The following TAX1BP1 variants were observed in gnomAD, a reference collection of about 807,000 sequenced individuals.
The protein encoded by TAX1BP1 is Tax1 binding protein 1.
TAX1BP1 carries 62 observed loss-of-function variants against 97.7 expected under a neutral mutation model. The observed-to-expected ratio is 0.63, with a 90% CI of 0.52 to 0.78. The LOEUF is 0.78. Ranked by LOEUF, TAX1BP1 falls within the 30% of genes least tolerant of loss-of-function variation. The pLI is 0.00. For missense variants in TAX1BP1, 867 were observed against 916.1 expected, an observed-to-expected ratio of 0.95 and a Z score of 0.69; for synonymous variants, 340 against 304.2, an observed-to-expected ratio of 1.12 and a Z score of -1.23.
chr7:27,788,420 C>T (rs1789573974), intron 8 of TAX1BP1, among the ~76,000 whole-genome samples: 1 of 151,980 alleles, frequency 6.6e-6, no homozygotes, highest in Admixed American at 6.5e-5. Context: ...AACAGCCTTT[C>T]CTCAATGTTT....
At chr7:27,828,559 G>C in intron 16 of TAX1BP1, 69 bp from the exon 17 acceptor site, 3 of 1,468,168 alleles carry the variant, frequency 2.0e-6, no homozygotes, top group Non-Finnish European at 2.8e-6. Flanking sequence ...ATGGAACCTT[G>C]TCATATATGG....
At chr7:27,815,711 A>G (rs1466121840) in intron 13 of TAX1BP1, among the ~76,000 whole-genome samples, 2 of 152,172 alleles carry the variant, frequency 1.3e-5, no homozygotes, top group Non-Finnish European at 2.9e-5. Flanking sequence ...AAAAAATCTT[A>G]AGTGATAGAA....
chr7:27,815,017 G>A (rs534179721), intron 13 of TAX1BP1, among the ~76,000 whole-genome samples: 5 of 152,192 alleles, frequency 3.3e-5, no homozygotes, highest in South Asian at 2.1e-4. Context: ...GATTACAGGC[G>A]TGAGCCACTG....
chr7:27,749,698 G>A (rs769115444), intron 2 of TAX1BP1, among the ~76,000 whole-genome samples: 1 of 152,156 alleles, frequency 6.6e-6, no homozygotes, highest in East Asian at 1.9e-4. Flanking sequence ...GTTATTTACT[G>A]TTTACTTTTT....
chr7:27,757,425 G>T (rs1039698007), intron 2 of TAX1BP1, among the ~76,000 whole-genome samples: 1 of 152,058 alleles, frequency 6.6e-6, no homozygotes, highest in African/African-American at 2.4e-5. Flanking sequence ...ACTTGCCAAA[G>T]ATGAGAGATT....
intron 13 of TAX1BP1, among the ~76,000 whole-genome samples, chr7:27,812,758 CTT>C (rs1790607236): frequency 6.6e-6 from 1 of 152,252 alleles, no homozygotes; most frequent in African/African-American, 2.4e-5. Flanking sequence ...TCCTCTACAT[CTT>C]GAGGTATTTT....
rs1394503608 is a variant in TAX1BP1, at chr7:27,794,336, A to C, written c.1424A>C (p.Asn475Thr). The C allele has an allele frequency of 6.2e-7, 1 of 1,611,750 alleles. No homozygotes were observed. Among genetic ancestry groups the C allele is most frequent in the Non-Finnish European group, 8.5e-7 (1 of 1,178,632 alleles). The change falls in exon 11 of 17, where the codon AAT becomes ACT. Residue 475 changes from asparagine (N) to threonine (T), a missense_variant. By Grantham distance (65) the Asn-to-Thr change is moderately conservative (BLOSUM62 0). Coordinates refer to ENST00000396319, the MANE Select transcript of TAX1BP1 (RefSeq NM_006024.7). The stretch of plus-strand genomic sequence containing the variant: ...CATTTTGAATAGGCTAATAATAATA[A>C]TGTCTTCACAAAGAAAACGGGGAAT... ...KLSDQSANNN[N>T]VFTKKTGNQQ... is the part of the protein sequence containing the mutation.
intron 4 of TAX1BP1, among the ~76,000 whole-genome samples, chr7:27,769,340 A>G (rs925508452): frequency 1.3e-5 from 2 of 151,964 alleles, no homozygotes; most frequent in African/African-American, 4.8e-5. Context: ...TCTGATTATT[A>G]CTGTGGATAA....
intron 15 of TAX1BP1, among the ~76,000 whole-genome samples, chr7:27,821,339 G>GGCTGGGCAT (rs1790965017): frequency 6.6e-6 from 1 of 152,056 alleles, no homozygotes; most frequent in Non-Finnish European, 1.5e-5. Context: ...TCTTAGAAAA[G>GGCTGGGCAT]TAATTGTTGG....
intron 5 of TAX1BP1, among the ~76,000 whole-genome samples, chr7:27,780,112 C>T (rs907791819): frequency 2.6e-5 from 4 of 152,176 alleles, no homozygotes; most frequent in Non-Finnish European, 2.9e-5. Flanking sequence ...TGCCACAACA[C>T]ACAACACCAA....
At chr7:27,769,337 ATT>A (rs1296886763) in intron 4 of TAX1BP1, among the ~76,000 whole-genome samples, 2 of 151,972 alleles carry the variant, frequency 1.3e-5, no homozygotes, top group Non-Finnish European at 2.9e-5. Context: ...GTATCTGATT[ATT>A]ACTGTGGATA....
chr7:27,775,205 A>G (rs992475998), intron 5 of TAX1BP1, among the ~76,000 whole-genome samples: 1 of 152,222 alleles, frequency 6.6e-6, no homozygotes, highest in Non-Finnish European at 1.5e-5. Flanking sequence ...TGTAAGATGC[A>G]TCTCCATTTC....
At chr7:27,780,327 G>A (rs1045236389) in intron 5 of TAX1BP1, among the ~76,000 whole-genome samples, 6 of 152,228 alleles carry the variant, frequency 3.9e-5, no homozygotes, top group Non-Finnish European at 7.4e-5. Flanking sequence ...TAAAGATATT[G>A]GAAAGTTGAA....
At chr7:27,769,537 T>A (rs755970621) in intron 4 of TAX1BP1, 139 bp from the exon 5 acceptor site, 2 of 617,602 alleles carry the variant, frequency 3.2e-6, no homozygotes, top group Non-Finnish European at 5.4e-6. Flanking sequence ...AAAGGCTGAT[T>A]GATATAAAGT....
chr7:27,772,594 A>T (rs1303677642), intron 5 of TAX1BP1: 1 of 151,986 alleles, frequency 6.6e-6, no homozygotes, highest in African/African-American at 2.4e-5. Flanking sequence ...TATTAATAAA[A>T]TTTTTCATCT....
At chr7:27,826,326 A>C (rs1367778350) in intron 15 of TAX1BP1, among the ~76,000 whole-genome samples, 1 of 152,192 alleles carries the variant, frequency 6.6e-6, no homozygotes, top group African/African-American at 2.4e-5. Flanking sequence ...GAAGTATTTT[A>C]CCCCTTCTTT....
intron 15 of TAX1BP1, among the ~76,000 whole-genome samples, chr7:27,825,705 TTGTC>T (rs3216230): frequency 0.024 from 3,615 of 152,258 alleles, 71 homozygotes; most frequent in East Asian, 0.082. Context: ...GTCTGACAGT[TTGTC>T]TGAGTCTGGA....
Position 27,797,198 on chromosome 7 carries a change from G to A in TAX1BP1, c.1638+979G>A, listed in dbSNP as rs369805471. 3.4e-3 allele frequency among the ~76,000 whole-genome samples: 515 copies of A among 151,740 alleles called. 5 individuals carry two copies. The highest frequency in any genetic ancestry group is 0.017 in the Middle Eastern group (5 of 294). ...ATTTTTAGTAGAGGCGGGGTTTCACGATGTTAGCTAGGATGGTCTCTATCT... is the reference window on the plus strand; with the variant it reads ...ATTTTTAGTAGAGGCGGGGTTTCACAATGTTAGCTAGGATGGTCTCTATCT... On this transcript the variant is annotated intron_variant, in intron 12 of 16. Transcript: ENST00000396319.
chr7:27,743,181 T>G (rs17155744), intron 1 of TAX1BP1, among the ~76,000 whole-genome samples: 15,265 of 152,178 alleles, frequency 0.1, 834 homozygotes, highest in South Asian at 0.12. Context: ...GGCACTCAGG[T>G]GTAAAGGATT....
Sources: allele counts gnomAD v4.1 joint callset (sites outside exome capture counted in the v4.1 genomes callset), GRCh38; gene constraint gnomAD v4.1.1; transcripts MANE v1.5; gene names NCBI Gene and HGNC (gene_info 2026-07-23, HGNC 2026-07-21).